CDH4: variants seen among roughly 807,000 people sequenced by gnomAD.
CDH4 encodes the protein cadherin-4.
A neutral mutation model predicts 86.0 loss-of-function variants in CDH4; 33 were observed. That is an observed-to-expected ratio of 0.38 (90% CI 0.29 to 0.51). CDH4 has a LOEUF of 0.51. Among genes scored for constraint, CDH4 ranks in the 20% least tolerant of loss-of-function variants. The probability of loss-of-function intolerance (pLI) is 0.86; values close to 1 mark genes in which losing one functional copy is unlikely to be tolerated. For missense variants in CDH4, 1,114 were observed against 1,307.4 expected (o/e 0.85, Z 2.28); for synonymous variants, 555 against 549.4 (o/e 1.01, Z -0.14).
At chr20:61,304,592 G>A (rs541303460) in intron 2 of CDH4, among the ~76,000 whole-genome samples, 1 of 152,116 alleles carries the variant, frequency 6.6e-6, no homozygotes, top group Non-Finnish European at 1.5e-5. Context: ...GGGCCTGGCT[G>A]TGCCATAACA....
At chr20:61,293,545 A>G (rs938111949) in intron 2 of CDH4, among the ~76,000 whole-genome samples, 3 of 152,152 alleles carry the variant, frequency 2.0e-5, no homozygotes, top group Non-Finnish European at 4.4e-5. Context: ...GTGCCAAGAA[A>G]GTCAAGTCCC....
intron 2 of CDH4, among the ~76,000 whole-genome samples, chr20:61,311,856 G>C: frequency 6.6e-6 from 1 of 152,258 alleles, no homozygotes; most frequent in East Asian, 1.9e-4. Flanking sequence ...CGCCAGGGCG[G>C]GGCGGCCAGT....
intron 2 of CDH4, among the ~76,000 whole-genome samples, chr20:61,737,509 C>T (rs1254214267): frequency 6.6e-6 from 1 of 152,206 alleles, no homozygotes; most frequent in Non-Finnish European, 1.5e-5. Flanking sequence ...CCACTGCAGC[C>T]TGGAGGGCTT....
intron 2 of CDH4, among the ~76,000 whole-genome samples, chr20:61,398,634 C>G (rs749128990): frequency 6.6e-5 from 10 of 150,788 alleles, no homozygotes; most frequent in Non-Finnish European, 1.3e-4. Flanking sequence ...CAAGGCGCAC[C>G]CACACCATGG....
rs115370716 is a variant in CDH4 at position 61,587,015 on chromosome 20, G to A, written c.170-156548G>A. Among the ~76,000 whole-genome samples, 1,454 of 152,220 alleles carry A rather than the reference G, an allele frequency of 9.6e-3. 27 individuals carry two copies. Among genetic ancestry groups the A allele is most frequent in the African/African-American group, 0.034 (1,396 of 41,534 alleles). On this transcript the variant is annotated intron_variant, in intron 2 of 15. Coordinates refer to ENST00000614565, the MANE Select transcript of CDH4 (RefSeq NM_001794.5). ...CTCCCAGCAGCCCCTGGGGTGAGCC[G>A]TGCTGAGGAAGAAGATGTGGCTGGG...
chr20:61,888,520 T>C (rs987175370), intron 7 of CDH4, among the ~76,000 whole-genome samples: 1 of 152,180 alleles, frequency 6.6e-6, no homozygotes, highest in Non-Finnish European at 1.5e-5. Context: ...CACAGAAACC[T>C]TGGGGAAGGG....
chr20:61,254,682 G>A (rs1317573274), intron 1 of CDH4, 144 bp from the exon 2 acceptor site: 1 of 662,424 alleles, frequency 1.5e-6, no homozygotes, highest in African/African-American at 1.8e-5. Flanking sequence ...GAGCAGACGG[G>A]GTATCGCGTC....
At chr20:61,309,929 G>A (rs899711068) in intron 2 of CDH4, among the ~76,000 whole-genome samples, 3 of 152,198 alleles carry the variant, frequency 2.0e-5, no homozygotes, top group Admixed American at 2.0e-4. Context: ...GCAGGGGCTG[G>A]CCAGGTGTGG....
At chr20:61,330,851 C>T (rs1351923987) in intron 2 of CDH4, among the ~76,000 whole-genome samples, 1 of 152,162 alleles carries the variant, frequency 6.6e-6, no homozygotes, top group Non-Finnish European at 1.5e-5. Context: ...TTGGGCTGTA[C>T]TTGCTTAGAA....
intron 2 of CDH4, among the ~76,000 whole-genome samples, chr20:61,502,463 T>G (rs1346848355): frequency 6.6e-6 from 1 of 152,228 alleles, no homozygotes; most frequent in Non-Finnish European, 1.5e-5. Context: ...AGAAGTGTTT[T>G]GGGTTAAAAT....
intron 3 of CDH4, among the ~76,000 whole-genome samples, chr20:61,749,787 G>C (rs867070601): frequency 2.0e-5 from 3 of 152,218 alleles, no homozygotes; most frequent in Admixed American, 1.3e-4. Context: ...TTGGCTGGGC[G>C]TGGTGGCTCG....
At chr20:61,677,908 G>GATAGA (rs2087463286) in intron 2 of CDH4, among the ~76,000 whole-genome samples, 5 of 151,728 alleles carry the variant, frequency 3.3e-5, no homozygotes, top group African/African-American at 4.9e-5. Context: ...TAAATGATAG[G>GATAGA]TGATAGATAC....
chr20:61,802,177 C>A (rs1325787492), intron 4 of CDH4, among the ~76,000 whole-genome samples: 1 of 152,212 alleles, frequency 6.6e-6, no homozygotes, highest in African/African-American at 2.4e-5. Flanking sequence ...CCAGGCAGAC[C>A]CCTCCTCGGC....
At chr20:61,804,760 G>C (rs756785924) in intron 4 of CDH4, among the ~76,000 whole-genome samples, 4 of 152,208 alleles carry the variant, frequency 2.6e-5, no homozygotes, top group Admixed American at 2.0e-4. Flanking sequence ...ATCTAAGTAC[G>C]AAACCAGAAG....
intron 7 of CDH4, among the ~76,000 whole-genome samples, chr20:61,891,887 A>T (rs1984838722): frequency 6.6e-6 from 1 of 151,118 alleles, no homozygotes; most frequent in African/African-American, 2.4e-5. Context: ...CCTCCCTGAG[A>T]TGCTTGTGGC....
chr20:61,519,635 C>A (rs900386050), intron 2 of CDH4, among the ~76,000 whole-genome samples: 7 of 152,372 alleles, frequency 4.6e-5, no homozygotes, highest in South Asian at 4.1e-4. Context: ...CGCTGCCTCT[C>A]GGGCTGCTGC....
chr20:61,491,737 A>G (rs999964982), intron 2 of CDH4, among the ~76,000 whole-genome samples: 1 of 151,766 alleles, frequency 6.6e-6, no homozygotes, highest in African/African-American at 2.4e-5. Flanking sequence ...TGATGTCAGT[A>G]GTGTTGATGT....
At position 61,938,302 on chromosome 20, in the gene CDH4, G is replaced by A. The variant is rs1357752011; in HGVS notation, c.*1359G>A. ...GAAGGAATTGGTTCTGCAGGACAGT[G>A]AGAGGGTCTGTGTCCCGGCACCCCT... is the stretch of plus-strand genomic sequence containing the variant. On this transcript the variant is annotated 3_prime_UTR_variant, in exon 16 of 16. Coordinates refer to ENST00000614565, the MANE Select transcript of CDH4 (RefSeq NM_001794.5). The A allele has an allele frequency of 6.6e-6, 1 of 152,382 alleles. No individual in the cohort carries two copies. The highest frequency in any genetic ancestry group is 1.5e-5 in the Non-Finnish European group (1 of 68,150). 9.4% of individuals were successfully genotyped at this position (152,382 alleles called of 1,614,324 possible).
intron 2 of CDH4, among the ~76,000 whole-genome samples, chr20:61,442,621 C>T (rs371048300): frequency 8.3e-4 from 126 of 152,334 alleles, no homozygotes; most frequent in African/African-American, 2.8e-3. Context: ...TACAGAGACT[C>T]AAAGGCAAAA....
Sources: allele counts gnomAD v4.1 joint callset (sites outside exome capture counted in the v4.1 genomes callset), GRCh38; gene constraint gnomAD v4.1.1; transcripts MANE v1.5; gene names NCBI Gene and HGNC (gene_info 2026-07-23, HGNC 2026-07-21).